MBOAT2: variants seen among roughly 807,000 people sequenced by gnomAD.
MBOAT2 encodes membrane-bound glycerophospholipid O-acyltransferase 2.
MBOAT2 carries 28 observed loss-of-function variants against 63.4 expected under a neutral mutation model. The ratio of observed to expected loss-of-function variants is 0.44; its 90% CI spans 0.33 to 0.61. MBOAT2 has a LOEUF of 0.61. Ranked by LOEUF, MBOAT2 falls within the 20% of genes least tolerant of loss-of-function variation. MBOAT2 has a pLI of 0.03. For missense variants in MBOAT2, 470 were observed against 605.8 expected (o/e 0.78, Z 2.35); for synonymous variants, 211 against 215.6 (o/e 0.98, Z 0.19).
intron 4 of MBOAT2, among the ~76,000 whole-genome samples, chr2:8,891,919 C>CATATTT (rs1313921986): frequency 6.6e-6 from 1 of 152,106 alleles, no homozygotes; most frequent in Non-Finnish European, 1.5e-5. Context: ...ATATAACTGT[C>CATATTT]CAAAGTAATA....
At chr2:8,882,924 T>C (rs1310237237) in intron 5 of MBOAT2, among the ~76,000 whole-genome samples, 1 of 152,180 alleles carries the variant, frequency 6.6e-6, no homozygotes, top group Non-Finnish European at 1.5e-5. Flanking sequence ...TGACTACACA[T>C]GAGTACTATA....
chr2:8,985,800 T>G (rs1000323014), intron 1 of MBOAT2, among the ~76,000 whole-genome samples: 1 of 152,100 alleles, frequency 6.6e-6, no homozygotes, highest in Admixed American at 6.6e-5. Flanking sequence ...CTCCCCTCCC[T>G]GATTCAACTC....
At chr2:8,877,796 T>C (rs903703479) in intron 6 of MBOAT2, among the ~76,000 whole-genome samples, 4 of 152,052 alleles carry the variant, frequency 2.6e-5, no homozygotes, top group African/African-American at 9.7e-5. Context: ...TGGATGTTGG[T>C]GACAGGGGTT....
chr2:8,948,412 G>A (rs1320343628), intron 2 of MBOAT2, among the ~76,000 whole-genome samples: 1 of 152,082 alleles, frequency 6.6e-6, no homozygotes, highest in Non-Finnish European at 1.5e-5. Context: ...TAATGATGAG[G>A]TTTAGGGTAT....
At chr2:8,975,167 C>T (rs1451377816) in intron 1 of MBOAT2, among the ~76,000 whole-genome samples, 1 of 152,156 alleles carries the variant, frequency 6.6e-6, no homozygotes, top group African/African-American at 2.4e-5. Context: ...ATTTACTGCA[C>T]TTGTACCTGA....
chr2:8,949,691 T>C (rs1668679125), intron 2 of MBOAT2, among the ~76,000 whole-genome samples: 1 of 152,172 alleles, frequency 6.6e-6, no homozygotes, highest in African/African-American at 2.4e-5. Flanking sequence ...TTCTGTTCCA[T>C]TGGTTTGTGT....
intron 8 of MBOAT2, among the ~76,000 whole-genome samples, chr2:8,872,441 T>C (rs759028303): frequency 6.6e-6 from 1 of 152,092 alleles, no homozygotes; most frequent in South Asian, 2.1e-4. Context: ...CCAGGCCTAG[T>C]TGATTTTTAA....
chr2:8,992,079 A>G (rs866254588), intron 1 of MBOAT2, among the ~76,000 whole-genome samples: 2 of 152,248 alleles, frequency 1.3e-5, no homozygotes, highest in Non-Finnish European at 2.9e-5. Context: ...TACAATAAAC[A>G]CAAACTCCCA....
At chr2:8,938,854 C>T (rs780615006) in intron 3 of MBOAT2, among the ~76,000 whole-genome samples, 1 of 152,228 alleles carries the variant, frequency 6.6e-6, no homozygotes, top group South Asian at 2.1e-4. Flanking sequence ...GCCCTTGCTA[C>T]CTCTTCAGCT....
intron 9 of MBOAT2, among the ~76,000 whole-genome samples, chr2:8,867,476 C>T (rs2148515688): frequency 6.6e-6 from 1 of 152,270 alleles, no homozygotes; most frequent in Admixed American, 6.5e-5. Flanking sequence ...AGCTCGGGTG[C>T]CTCTGCTGAG....
intron 5 of MBOAT2, among the ~76,000 whole-genome samples, chr2:8,887,772 G>A (rs1663666047): frequency 6.6e-6 from 1 of 152,176 alleles, no homozygotes; most frequent in African/African-American, 2.4e-5. Context: ...TATCACTACT[G>A]TGGGCCATAT....
In MBOAT2 at chr2:8,908,434, T is replaced by G. The variant is rs143181089; in HGVS notation, c.395+187A>C. ...GGCAGGAAGAAGCAGAACAAGGCTC[T>G]TACTGACTTAGATAGTACTAAAAAG... On this transcript the variant is annotated intron_variant, in intron 4 of 12. Transcript: ENST00000305997. 1.4e-3 allele frequency: 657 copies of G among 465,916 alleles called. 2 individuals are homozygous for G. Among genetic ancestry groups the G allele is most frequent in the African/African-American group, 0.011 (565 of 49,150 alleles). The allele number at this position is 465,916 out of a possible 1,614,324, so 28.9% of individuals were successfully genotyped here. A position where few individuals can be genotyped will look rare whatever the true frequency, so the allele number is the denominator to read the frequency against.
At chr2:8,860,167 G>A (rs1179320978) in intron 12 of MBOAT2, among the ~76,000 whole-genome samples, 5 of 152,066 alleles carry the variant, frequency 3.3e-5, no homozygotes, top group Non-Finnish European at 1.5e-5. Flanking sequence ...CTCCAGCCTG[G>A]GCGACAGAGC....
chr2:8,997,810 C>T (rs1333328960), intron 1 of MBOAT2, among the ~76,000 whole-genome samples: 1 of 152,182 alleles, frequency 6.6e-6, no homozygotes, highest in African/African-American at 2.4e-5. Flanking sequence ...CAGAGTCTGG[C>T]TGCCAACCTA....
At chr2:8,950,858 G>A (rs985427491) in intron 2 of MBOAT2, among the ~76,000 whole-genome samples, 2 of 151,988 alleles carry the variant, frequency 1.3e-5, no homozygotes, top group Non-Finnish European at 2.9e-5. Context: ...ACAGGATGTT[G>A]GATTTTATTG....
chr2:8,884,942 G>T (rs1214146670), intron 5 of MBOAT2, among the ~76,000 whole-genome samples: 1 of 152,182 alleles, frequency 6.6e-6, no homozygotes, highest in East Asian at 1.9e-4. Context: ...TCCAAGTGAG[G>T]CAGTGCAGCA....
rs1011397669 is a variant in MBOAT2, at chr2:8,908,455, A to C, written c.395+166T>G. 1.4e-5 allele frequency: 8 copies of C among 558,382 alleles called. No homozygotes were observed. The East Asian group carries it at 2.4e-4, about 17-fold the overall frequency. The allele number at this position is 558,382 out of a possible 1,614,324, so 34.6% of individuals were successfully genotyped here. A position where few individuals can be genotyped will look rare whatever the true frequency, so the allele number is the denominator to read the frequency against. On this transcript the variant is annotated intron_variant, in intron 4 of 12. Transcript: ENST00000305997. ...GCTCTTACTGACTTAGATAGTACTA[A>C]AAAGACTACTTACAAGAGAGAAATT... is the stretch of plus-strand genomic sequence containing the variant.
At chr2:8,926,026 C>G (rs1666908320) in intron 3 of MBOAT2, among the ~76,000 whole-genome samples, 2 of 152,090 alleles carry the variant, frequency 1.3e-5, no homozygotes, top group South Asian at 4.1e-4. Flanking sequence ...GATAATGTGA[C>G]AAAGCTACTG....
At chr2:8,939,845 A>T (rs957089151) in intron 3 of MBOAT2, among the ~76,000 whole-genome samples, 2 of 152,194 alleles carry the variant, frequency 1.3e-5, no homozygotes, top group African/African-American at 4.8e-5. Flanking sequence ...CCCATATCTC[A>T]AGAAAGATTC....
Sources: allele counts gnomAD v4.1 joint callset (sites outside exome capture counted in the v4.1 genomes callset), GRCh38; gene constraint gnomAD v4.1.1; transcripts MANE v1.5; gene names NCBI Gene and HGNC (gene_info 2026-07-23, HGNC 2026-07-21).